COLQ: variants seen among roughly 807,000 people sequenced by gnomAD.
The protein encoded by COLQ is acetylcholinesterase collagenic tail peptide.
A neutral mutation model predicts 69.0 loss-of-function variants in COLQ; 48 were observed. That is an observed-to-expected ratio of 0.70 (90% CI 0.55 to 0.88). COLQ has a LOEUF of 0.88. Ranked by LOEUF, COLQ falls within the 40% of genes least tolerant of loss-of-function variation. The pLI is 0.00. For missense variants in COLQ, 618 were observed against 594.6 expected (o/e 1.04, Z -0.41); for synonymous variants, 217 against 211.2 (o/e 1.03, Z -0.24).
At chr3:15,488,344 G>C (rs753904589) in intron 2 of COLQ, 37 bp from the exon 3 acceptor site, 1 of 1,566,316 alleles carries the variant, frequency 6.4e-7, no homozygotes, top group East Asian at 2.2e-5. Context: ...GAGGTCAGGC[G>C]TAGGGGACAG....
chr3:15,515,700 G>A (rs934059491), intron 1 of COLQ, among the ~76,000 whole-genome samples: 2 of 152,142 alleles, frequency 1.3e-5, no homozygotes, highest in Non-Finnish European at 2.9e-5. Flanking sequence ...CAGCTACTCC[G>A]GAGACTGAGG....
intron 15 of COLQ, 96 bp from the exon 16 acceptor site, chr3:15,454,027 A>G (rs2061989837): frequency 2.4e-6 from 2 of 820,098 alleles, no homozygotes; most frequent in African/African-American, 1.7e-5. Context: ...GATCCAACCT[A>G]AGTGCTGCAC....
chr3:15,483,051 G>A (rs1383938004), intron 3 of COLQ, among the ~76,000 whole-genome samples: 1 of 152,136 alleles, frequency 6.6e-6, no homozygotes, highest in Non-Finnish European at 1.5e-5. Flanking sequence ...GGGATCAGTA[G>A]TTATATCCCC....
At chr3:15,497,703 G>A (rs1284946833) in intron 1 of COLQ, among the ~76,000 whole-genome samples, 1 of 152,184 alleles carries the variant, frequency 6.6e-6, no homozygotes, top group Non-Finnish European at 1.5e-5. Flanking sequence ...GCATGAGAGA[G>A]ACAGACCCCA....
At chr3:15,462,075 C>T (rs1253976177) in intron 12 of COLQ, among the ~76,000 whole-genome samples, 3 of 152,012 alleles carry the variant, frequency 2.0e-5, no homozygotes, top group Non-Finnish European at 2.9e-5. Flanking sequence ...GTCGCCCAGG[C>T]GGGAGTGCAG....
In COLQ at chr3:15,459,518, G is replaced by A. The variant is rs140198459; in HGVS notation, c.815-1193C>T. Among the ~76,000 whole-genome samples the A allele has an allele frequency of 4.9e-4, 69 of 140,542 alleles. 2 individuals are homozygous for A. In the East Asian group the frequency reaches 9.5e-3, roughly 19 times the overall value. 92.2% of individuals were successfully genotyped at this position (140,542 alleles called of 152,430 possible). A position where few individuals can be genotyped will look rare whatever the true frequency, so the allele number is the denominator to read the frequency against. On this transcript the variant is annotated intron_variant, in intron 12 of 16. Coordinates refer to ENST00000383788, the MANE Select transcript of COLQ (RefSeq NM_005677.4). ...TTTGGAGACGGAGCCTCACTCTGTCGCCCAGGGTGAAGTGCAGTGGTGTAA... is the reference window on the plus strand; with the variant it reads ...TTTGGAGACGGAGCCTCACTCTGTCACCCAGGGTGAAGTGCAGTGGTGTAA...
intron 3 of COLQ, 99 bp downstream of exon 3, chr3:15,488,107 G>C: frequency 1.2e-6 from 1 of 868,806 alleles, no homozygotes; most frequent in East Asian, 2.4e-5. Context: ...AAACAGCTTT[G>C]TATCACATGA....
At chr3:15,455,030 G>T (rs1038395455) in intron 15 of COLQ, among the ~76,000 whole-genome samples, 1 of 152,092 alleles carries the variant, frequency 6.6e-6, no homozygotes, top group Non-Finnish European at 1.5e-5. Flanking sequence ...CTGAGCCCCA[G>T]CCTGGATCTT....
chr3:15,488,199 C>A lies in COLQ; in HGVS notation c.321+7G>T, dbSNP rs1270110623. 2 of 1,608,774 alleles carry A rather than the reference C, an allele frequency of 1.2e-6. No individual in the cohort carries two copies. Among genetic ancestry groups the A allele is most frequent in the Non-Finnish European group, 1.7e-6 (2 of 1,177,466 alleles). On this transcript the variant is annotated splice_region_variant and intron_variant, in intron 3 of 16. Transcript: ENST00000383788. ...ACAGCGAGAGGGGTCCGGTAGAGTG[C>A]ACCAACCTGGGGGCCGGGAGGCCCA...
chr3:15,456,494 T>A lies in COLQ; in HGVS notation c.1040A>T (p.Tyr347Phe). The A allele has an allele frequency of 6.2e-7, 1 of 1,614,182 alleles. No homozygotes were observed. The highest frequency in any genetic ancestry group is 8.5e-7 in the Non-Finnish European group (1 of 1,180,030). ...IAFRRDQRSL[Y>F]FKDSLGWLPI... Reference sequence around the variant, plus strand: ...GAGCCAGCCAAGGCTGTCCTTGAAGTACAGAGATCTCTGGTCTCTGCGGAA... The same window carrying A: ...GAGCCAGCCAAGGCTGTCCTTGAAGAACAGAGATCTCTGGTCTCTGCGGAA... Residue 347 changes from tyrosine to phenylalanine, a missense_variant, in exon 14 of 17, where the codon TAC (tyrosine) becomes TTC (phenylalanine). By Grantham distance (22) the Tyr-to-Phe change is conservative. Transcript: ENST00000383788.
At chr3:15,472,489 C>G (rs551428152) in intron 10 of COLQ, among the ~76,000 whole-genome samples, 19 of 152,110 alleles carry the variant, frequency 1.2e-4, no homozygotes, top group Non-Finnish European at 2.1e-4. Flanking sequence ...TTAAGGTGAA[C>G]TTTTAAAAAT....
chr3:15,495,212 G>A (rs1349970362), intron 1 of COLQ, among the ~76,000 whole-genome samples: 1 of 152,216 alleles, frequency 6.6e-6, no homozygotes, highest in Non-Finnish European at 1.5e-5. Context: ...ACCAAGCTGG[G>A]TTTATTGACT....
chr3:15,466,871 G>A (rs58569998), intron 11 of COLQ, among the ~76,000 whole-genome samples: 2,791 of 152,236 alleles, frequency 0.018, 75 homozygotes, highest in African/African-American at 0.062. Context: ...GGTCTTCAAG[G>A]GCACCATGTC....
At chr3:15,487,002 G>C (rs995154443) in intron 3 of COLQ, among the ~76,000 whole-genome samples, 18 of 152,192 alleles carry the variant, frequency 1.2e-4, no homozygotes, top group African/African-American at 4.3e-4. Context: ...CGCAGGATTT[G>C]ATCCACAGAT....
At chr3:15,459,351 T>C (rs2062072322) in intron 12 of COLQ, among the ~76,000 whole-genome samples, 1 of 152,150 alleles carries the variant, frequency 6.6e-6, no homozygotes, top group Non-Finnish European at 1.5e-5. Context: ...TTAAAGGCTC[T>C]GATACCCAGG....
chr3:15,517,155 A>C (rs115584635), intron 1 of COLQ, among the ~76,000 whole-genome samples: 1 of 152,186 alleles, frequency 6.6e-6, no homozygotes, highest in Admixed American at 6.5e-5. Flanking sequence ...AAAAACAAAC[A>C]AAAAAGAATC....
At chr3:15,476,993 G>A in intron 6 of COLQ, 133 bp downstream of exon 6, 4 of 930,546 alleles carry the variant, frequency 4.3e-6, no homozygotes, top group Non-Finnish European at 6.9e-6. Context: ...CCTGTGGCCA[G>A]TCCTTAAGCT....
chr3:15,458,242 T>C lies in COLQ; in HGVS notation c.898A>G (p.Asn300Asp). The change falls in exon 13 of 17, where the codon AAT becomes GAT. Residue 300 changes from asparagine (N) to aspartate (D), a missense_variant. By Grantham distance (23) the Asn-to-Asp change is conservative. Transcript: ENST00000383788. ...ACAGATTCCCCGTAGGAAGGGTTATTCACATTCATAGTGGGTCCACAAAGA... is the reference window on the plus strand; with the variant it reads ...ACAGATTCCCCGTAGGAAGGGTTATCCACATTCATAGTGGGTCCACAAAGA... ...RCLCGPTMNV[N>D]NPSYGESVYG... is the part of the protein sequence containing the mutation. 1 of 1,614,136 alleles carries C rather than the reference T, an allele frequency of 6.2e-7. No individual in the cohort carries two copies. The highest frequency in any genetic ancestry group is 1.1e-5 in the South Asian group (1 of 91,074).
At chr3:15,499,010 C>T (rs2062793729) in intron 1 of COLQ, 13 of 1,015,924 alleles carry the variant, frequency 1.3e-5, no homozygotes, top group Middle Eastern at 9.4e-4. Context: ...TCTGGTAAGC[C>T]TCAAAGTCAA....
Sources: gnomAD v4.1 joint callset for allele counts (sites outside exome capture counted in the v4.1 genomes callset) on GRCh38, gnomAD v4.1.1 for gene constraint, MANE v1.5 for transcripts, NCBI Gene and HGNC (gene_info 2026-07-23, HGNC 2026-07-21) for gene names.